DOCK3: variants seen among roughly 807,000 people sequenced by gnomAD.
The protein encoded by DOCK3 is dedicator of cytokinesis 3, also known as dedicator of cytokinesis protein 3.
DOCK3 carries 60 observed loss-of-function variants against 265.6 expected under a neutral mutation model. That is an observed-to-expected ratio of 0.23 (90% confidence interval 0.18 to 0.28). DOCK3 has a LOEUF of 0.28. DOCK3 is among the 10% of genes least tolerant of loss of function. DOCK3 has a pLI of 1.00. For synonymous variants in DOCK3, 881 were observed against 938.0 expected, an observed-to-expected ratio of 0.94 and a Z score of 1.11; for missense variants, 1,981 against 2,594.3, an observed-to-expected ratio of 0.76 and a Z score of 5.14.
chr3:51,325,374 A>C (rs2084032835), intron 32 of DOCK3, among the ~76,000 whole-genome samples: 1 of 152,206 alleles, frequency 6.6e-6, no homozygotes, highest in Non-Finnish European at 1.5e-5. Context: ...ACCATCTCAC[A>C]CCAGTTAGAA....
chr3:50,750,910 G>A (rs930751467), intron 1 of DOCK3, among the ~76,000 whole-genome samples: 2 of 152,088 alleles, frequency 1.3e-5, no homozygotes, highest in East Asian at 1.9e-4. Flanking sequence ...TCTTTGCAAA[G>A]CCAAACAAAT....
chr3:51,156,250 T>G (rs2085845861), intron 10 of DOCK3, among the ~76,000 whole-genome samples: 1 of 152,132 alleles, frequency 6.6e-6, no homozygotes, highest in African/African-American at 2.4e-5. Flanking sequence ...TTCAGATGAG[T>G]GAGTCTAAGA....
chr3:50,967,897 C>T (rs55900868), intron 5 of DOCK3, among the ~76,000 whole-genome samples: 14,482 of 152,140 alleles, frequency 0.095, 866 homozygotes, highest in Non-Finnish European at 0.12. Context: ...ATCAAATACC[C>T]AGTAGTGTGA....
chr3:51,135,350 A>G (rs1335333577), intron 9 of DOCK3, among the ~76,000 whole-genome samples: 1 of 152,126 alleles, frequency 6.6e-6, no homozygotes, highest in Non-Finnish European at 1.5e-5. Flanking sequence ...AGTTCTTTCT[A>G]TGTTACCAAC....
At chr3:50,742,781 T>C (rs1483149307) in intron 1 of DOCK3, among the ~76,000 whole-genome samples, 3 of 152,186 alleles carry the variant, frequency 2.0e-5, no homozygotes, top group Non-Finnish European at 4.4e-5. Context: ...TGCAGGATAT[T>C]ATCTAGGAGA....
intron 5 of DOCK3, among the ~76,000 whole-genome samples, chr3:51,027,407 T>C (rs1452885955): frequency 6.6e-6 from 1 of 152,112 alleles, no homozygotes; most frequent in Admixed American, 6.6e-5. Context: ...TATGTATAGA[T>C]GAGCAAACTG....
chr3:50,859,021 A>G (rs557380252), intron 3 of DOCK3, among the ~76,000 whole-genome samples: 1 of 151,788 alleles, frequency 6.6e-6, no homozygotes, highest in Non-Finnish European at 1.5e-5. Flanking sequence ...GTTCTTTTTT[A>G]TATTGGCTAT....
At chr3:51,164,887 G>C (rs1240728165) in intron 12 of DOCK3, among the ~76,000 whole-genome samples, 2 of 150,096 alleles carry the variant, frequency 1.3e-5, no homozygotes, top group African/African-American at 2.5e-5. Context: ...TGGGTTCTTT[G>C]CTTCATAACC....
intron 1 of DOCK3, among the ~76,000 whole-genome samples, chr3:50,680,181 A>ATTTCTG (rs2034285049): frequency 6.9e-6 from 1 of 145,970 alleles, no homozygotes; most frequent in Admixed American, 6.8e-5. Flanking sequence ...AAGGAATTTT[A>ATTTCTG]TTTCTGTATT....
intron 32 of DOCK3, among the ~76,000 whole-genome samples, chr3:51,325,512 C>T (rs2084041754): frequency 6.6e-6 from 1 of 152,164 alleles, no homozygotes; most frequent in Non-Finnish European, 1.5e-5. Context: ...GGCAATTCCT[C>T]AAGGATCTAG....
At chr3:51,194,465 T>C (rs978965912) in intron 12 of DOCK3, among the ~76,000 whole-genome samples, 1 of 152,204 alleles carries the variant, frequency 6.6e-6, no homozygotes, top group African/African-American at 2.4e-5. Flanking sequence ...TGTTGATTTT[T>C]TTGTCTAGAT....
intron 23 of DOCK3, among the ~76,000 whole-genome samples, chr3:51,261,284 G>T (rs1006250524): frequency 6.6e-6 from 1 of 152,004 alleles, no homozygotes; most frequent in East Asian, 1.9e-4. Flanking sequence ...GGAGGGTGGG[G>T]CGTCGCCTCA....
chr3:51,053,752 G>T (rs1433849758), intron 5 of DOCK3, among the ~76,000 whole-genome samples: 2 of 151,996 alleles, frequency 1.3e-5, no homozygotes, highest in African/African-American at 4.8e-5. Context: ...ATGTTTAGTT[G>T]TTACTATGCC....
chr3:50,684,586 C>T (rs1211843801), intron 1 of DOCK3, among the ~76,000 whole-genome samples: 2 of 152,202 alleles, frequency 1.3e-5, no homozygotes, highest in African/African-American at 4.8e-5. Context: ...GAATCCCTCT[C>T]TCTCACCTAC....
intron 4 of DOCK3, among the ~76,000 whole-genome samples, chr3:50,910,752 CT>C (rs1490799275): frequency 6.6e-6 from 1 of 152,188 alleles, no homozygotes; most frequent in Non-Finnish European, 1.5e-5. Flanking sequence ...CACAGATTGT[CT>C]CTCCATGTGC....
At chr3:51,010,131 G>C (rs1378275906) in intron 5 of DOCK3, among the ~76,000 whole-genome samples, 1 of 152,092 alleles carries the variant, frequency 6.6e-6, no homozygotes, top group East Asian at 1.9e-4. Context: ...ATGTCTATTT[G>C]GTCCACTTGG....
chr3:50,777,114 C>T (rs1018810045), intron 1 of DOCK3, among the ~76,000 whole-genome samples: 1 of 152,150 alleles, frequency 6.6e-6, no homozygotes, highest in Non-Finnish European at 1.5e-5. Context: ...TTATCTCCCA[C>T]CAGGTCCCTC....
intron 5 of DOCK3, among the ~76,000 whole-genome samples, chr3:50,978,408 A>T (rs1055796175): frequency 9.4e-5 from 6 of 63,648 alleles, no homozygotes; most frequent in African/African-American, 2.2e-4. Flanking sequence ...CTGCCGTGTG[A>T]GGTGTCAGTG....
chr3:50,847,590 A>G (rs1323875123), intron 3 of DOCK3, among the ~76,000 whole-genome samples: 1 of 151,966 alleles, frequency 6.6e-6, no homozygotes, highest in Admixed American at 6.6e-5. Context: ...GGATATTGAA[A>G]TCCCCCACTA....
Sources: gnomAD v4.1 joint callset for allele counts (sites outside exome capture counted in the v4.1 genomes callset) on GRCh38, gnomAD v4.1.1 for gene constraint, MANE v1.5 for transcripts, NCBI Gene and HGNC (gene_info 2026-07-23, HGNC 2026-07-21) for gene names.